The following ERN1 variants were observed in gnomAD, a reference collection of about 807,000 sequenced individuals.
ERN1 encodes endoplasmic reticulum to nucleus signaling 1, also known as serine/threonine-protein kinase/endoribonuclease IRE1.
ERN1 carries 39 observed loss-of-function variants against 113.1 expected under a neutral mutation model. The ratio of observed to expected loss-of-function variants is 0.34; its 90% CI spans 0.27 to 0.45. The LOEUF is 0.45. ERN1 is among the 20% of genes least tolerant of loss of function. The pLI is 1.00. For synonymous variants in ERN1, 507 were observed against 515.9 expected (o/e 0.98, Z 0.23); for missense variants, 976 against 1,274.8 (o/e 0.77, Z 3.57).
intron 1 of ERN1, chr17:64,129,603 G>C (rs908135921): frequency 2.7e-6 from 1 of 363,908 alleles, no homozygotes; most frequent in Non-Finnish European, 4.9e-6. Context: ...CCCGCGAGGA[G>C]GAGGGTCCCG....
chr17:64,105,391 A>G (rs1041354775), intron 1 of ERN1, among the ~76,000 whole-genome samples: 1 of 152,130 alleles, frequency 6.6e-6, no homozygotes, highest in African/African-American at 2.4e-5. Context: ...TTACAGGCAT[A>G]AGCTTAAAAA....
At chr17:64,100,354 G>A (rs1036697984) in intron 1 of ERN1, among the ~76,000 whole-genome samples, 1 of 152,124 alleles carries the variant, frequency 6.6e-6, no homozygotes, top group African/African-American at 2.4e-5. Flanking sequence ...CATACCTGGG[G>A]CCAAGAAGTG....
At position 64,064,291 on chromosome 17, in the gene ERN1, A is replaced by G. The variant is rs890369745; in HGVS notation, c.922-140T>C. On this transcript the variant is annotated intron_variant, in intron 9 of 21. Coordinates refer to ENST00000433197, the MANE Select transcript of ERN1 (RefSeq NM_001433.5). ...GGACAGAGCAAGACACAAAGGCCCA[A>G]AGTCTGGGCAAAGAAGCTTCTCCCT... 15 of 893,894 alleles carry G rather than the reference A, an allele frequency of 1.7e-5. No homozygotes were observed. In the African/African-American group the frequency reaches 1.7e-4, roughly 10 times the overall value. The allele number at this position is 893,894 out of a possible 1,614,324, so 55.4% of individuals were successfully genotyped here.
In ERN1 at chr17:64,075,250, T is replaced by TGA. The variant is rs1567871274; in HGVS notation, c.283-4_283-3insTC. The TGA allele has an allele frequency of 8.6e-7, 1 of 1,167,186 alleles. No individual in the cohort carries two copies. 72.3% of individuals were successfully genotyped at this position (1,167,186 alleles called of 1,614,324 possible). A position where few individuals can be genotyped will look rare whatever the true frequency, so the allele number is the denominator to read the frequency against. ...TCTGGGATGGTAAAAGGAAGTTTCT[T>TGA]TAAAAAAAAAAAAAAAGAAAAAAAA... On this transcript the variant is annotated splice_polypyrimidine_tract_variant and splice_region_variant and intron_variant, in intron 4 of 21. Coordinates refer to ENST00000433197, the MANE Select transcript of ERN1 (RefSeq NM_001433.5).
In ERN1 at chr17:64,055,597, C is replaced by CTTA. The variant is rs140803583; in HGVS notation, c.1672+75_1672+77dup. 9.2e-4 allele frequency: 1,233 copies of CTTA among 1,345,430 alleles called. 7 individuals carry two copies. In the African/African-American group the frequency reaches 0.016, roughly 18 times the overall value. The allele number at this position is 1,345,430 out of a possible 1,614,324, so 83.3% of individuals were successfully genotyped here. A position where few individuals can be genotyped will look rare whatever the true frequency, so the allele number is the denominator to read the frequency against. The stretch of plus-strand genomic sequence containing the variant: ...ACCCCTGAGAATGGTAGTTTACAAT[C>CTTA]TTATGGAGACTCCTTGGACTTCTCA... On this transcript the variant is annotated intron_variant, in intron 13 of 21. Transcript: ENST00000433197.
chr17:64,058,022 T>G, intron 11 of ERN1, 29 bp from the exon 12 acceptor site: 1 of 1,487,550 alleles, frequency 6.7e-7, no homozygotes, highest in South Asian at 1.4e-5. Context: ...GCGACATCAC[T>G]GCAAAATTTC....
At chr17:64,065,446 T>C (rs1259124114) in intron 8 of ERN1, among the ~76,000 whole-genome samples, 159 bp from the exon 9 acceptor site, 1 of 152,092 alleles carries the variant, frequency 6.6e-6, no homozygotes, top group Non-Finnish European at 1.5e-5. Flanking sequence ...GGCACTGCCC[T>C]GGGAACAGGA....
At chr17:64,128,241 C>T (rs1915135032) in intron 1 of ERN1, among the ~76,000 whole-genome samples, 1 of 149,970 alleles carries the variant, frequency 6.7e-6, no homozygotes, top group African/African-American at 2.5e-5. Context: ...AAACTCCTGA[C>T]CTCAAGTGAT....
At chr17:64,045,262 G>A (rs1056908139) in intron 20 of ERN1, 97 bp downstream of exon 20, 6 of 1,416,506 alleles carry the variant, frequency 4.2e-6, no homozygotes, top group Non-Finnish European at 4.9e-6. Context: ...GGGATGTGGG[G>A]CCTGAACAGC....
chr17:64,071,618 C>T (rs901644149), intron 6 of ERN1, among the ~76,000 whole-genome samples: 5 of 152,106 alleles, frequency 3.3e-5, no homozygotes, highest in Admixed American at 6.6e-5. Flanking sequence ...GATGGGGTTT[C>T]GCCATGTTGG....
intron 3 of ERN1, 126 bp downstream of exon 3, chr17:64,080,649 A>T: frequency 1.2e-6 from 1 of 832,322 alleles, no homozygotes; most frequent in Non-Finnish European, 1.9e-6. Context: ...GTAAGACTTT[A>T]TATGTCACTC....
At chr17:64,124,269 G>A (rs1276688477) in intron 1 of ERN1, among the ~76,000 whole-genome samples, 1 of 152,168 alleles carries the variant, frequency 6.6e-6, no homozygotes, top group Non-Finnish European at 1.5e-5. Context: ...CCCAAGAAGA[G>A]TGAAAATAAA....
intron 5 of ERN1, 115 bp from the exon 6 acceptor site, chr17:64,072,218 G>A: frequency 8.9e-7 from 1 of 1,124,908 alleles, no homozygotes; most frequent in East Asian, 2.5e-5. Flanking sequence ...TTCTTAGGAT[G>A]TCATTTCTAA....
chr17:64,104,527 C>G (rs149612747), intron 1 of ERN1, among the ~76,000 whole-genome samples: 1 of 152,058 alleles, frequency 6.6e-6, no homozygotes, highest in South Asian at 2.1e-4. Flanking sequence ...TACCTGATAA[C>G]AAGGGTCAGG....
chr17:64,120,074 A>G (rs190884389), intron 1 of ERN1, among the ~76,000 whole-genome samples: 6 of 151,600 alleles, frequency 4.0e-5, no homozygotes, highest in Admixed American at 3.9e-4. Flanking sequence ...TTTTTTTTTT[A>G]AAAAAGAAAA....
At chr17:64,047,184 C>A (rs1015043418) in intron 19 of ERN1, among the ~76,000 whole-genome samples, 3 of 152,072 alleles carry the variant, frequency 2.0e-5, no homozygotes, top group African/African-American at 7.2e-5. Context: ...CATGGTGAAA[C>A]CCCATCTCTA....
chr17:64,116,654 A>AAC (rs149334208), intron 1 of ERN1, among the ~76,000 whole-genome samples: 13,727 of 149,726 alleles, frequency 0.092, 671 homozygotes, highest in African/African-American at 0.12. Context: ...AAAAAAAAAT[A>AAC]ACACACACAC....
At chr17:64,067,114 G>A (rs1475152604) in intron 7 of ERN1, 182 bp from the exon 8 acceptor site, 1 of 642,470 alleles carries the variant, frequency 1.6e-6, no homozygotes, top group Non-Finnish European at 2.6e-6. Flanking sequence ...GTAATATCAA[G>A]ACACTGAGAG....
intron 5 of ERN1, 27 bp downstream of exon 5, chr17:64,075,148 C>G: frequency 3.9e-6 from 6 of 1,521,752 alleles, no homozygotes; most frequent in Non-Finnish European, 5.3e-6. Flanking sequence ...CAAAGAGACA[C>G]AAGTTTCTGG....
Sources: gnomAD v4.1 joint callset for allele counts (sites outside exome capture counted in the v4.1 genomes callset) on GRCh38, gnomAD v4.1.1 for gene constraint, MANE v1.5 for transcripts, NCBI Gene and HGNC (gene_info 2026-07-23, HGNC 2026-07-21) for gene names.